Variants in PPARG observed in about 807,000 individuals in gnomAD.
The protein encoded by PPARG is peroxisome proliferator activated receptor gamma, also known as peroxisome proliferator-activated receptor gamma.
Under a neutral mutation model 39.2 loss-of-function variants are expected in PPARG, and 17 were observed. That is an observed-to-expected ratio of 0.43 (90% CI 0.30 to 0.65). The LOEUF (loss-of-function observed/expected upper bound fraction) is 0.65. Ranked by LOEUF, PPARG falls within the 30% of genes least tolerant of loss-of-function variation. The probability of loss-of-function intolerance (pLI) is 0.13; values close to 1 mark genes in which losing one functional copy is unlikely to be tolerated. For synonymous variants in PPARG, 223 were observed against 215.7 expected, an observed-to-expected ratio of 1.03 and a Z score of -0.30; for missense variants, 406 against 585.9, an observed-to-expected ratio of 0.69 and a Z score of 3.17.
chr3:12,367,709 A>G (rs2049062568), intron 2 of PPARG, among the ~76,000 whole-genome samples: 1 of 151,590 alleles, frequency 6.6e-6, no homozygotes, highest in Non-Finnish European at 1.5e-5. Flanking sequence ...AAAATAAAAA[A>G]ATAAAAATAA....
chr3:12,351,672 A>G (rs2048491454), intron 2 of PPARG: 1 of 1,604,002 alleles, frequency 6.2e-7, no homozygotes, highest in African/African-American at 1.3e-5. Context: ...AACATATCAC[A>G]AGGTAAAGTT....
chr3:12,433,480 G>A (rs2051733704), intron 7 of PPARG, among the ~76,000 whole-genome samples: 1 of 150,918 alleles, frequency 6.6e-6, no homozygotes, highest in Admixed American at 6.6e-5. Flanking sequence ...ATAGGTTGTA[G>A]TGAGCCGACG....
At chr3:12,415,577 G>A (rs920760333) in intron 6 of PPARG, among the ~76,000 whole-genome samples, 1 of 152,170 alleles carries the variant, frequency 6.6e-6, no homozygotes, top group Non-Finnish European at 1.5e-5. Flanking sequence ...ATGACCAAAT[G>A]ACTTAACTTT....
chr3:12,373,563 A>G (rs1162278956), intron 2 of PPARG, among the ~76,000 whole-genome samples: 4 of 152,186 alleles, frequency 2.6e-5, no homozygotes, highest in Admixed American at 6.5e-5. Context: ...AAACTAAACT[A>G]TTGAGAAAGT....
chr3:12,424,493 G>T (rs2051369304), intron 7 of PPARG, among the ~76,000 whole-genome samples: 1 of 152,140 alleles, frequency 6.6e-6, no homozygotes, highest in African/African-American at 2.4e-5. Flanking sequence ...CAGTCAGTGG[G>T]CTGCTTTCTG....
intron 2 of PPARG, among the ~76,000 whole-genome samples, chr3:12,326,141 C>T (rs1362496846): frequency 6.6e-6 from 1 of 152,122 alleles, no homozygotes; most frequent in African/African-American, 2.4e-5. Context: ...AAAATGTCAC[C>T]ATAATACCTT....
chr3:12,298,166 G>A (rs1419061885), intron 1 of PPARG, among the ~76,000 whole-genome samples: 1 of 148,616 alleles, frequency 6.7e-6, no homozygotes, highest in Non-Finnish European at 1.5e-5. Flanking sequence ...GGGCGTAGTG[G>A]CGGGCGCCTG....
chr3:12,343,131 T>C (rs1245823023), intron 2 of PPARG, among the ~76,000 whole-genome samples: 1 of 144,502 alleles, frequency 6.9e-6, no homozygotes, highest in Non-Finnish European at 1.5e-5. Flanking sequence ...GGCTCCCCTG[T>C]GTTGATCTAA....
At chr3:12,305,189 C>G (rs925639697) in intron 1 of PPARG, among the ~76,000 whole-genome samples, 4 of 152,142 alleles carry the variant, frequency 2.6e-5, no homozygotes, top group Non-Finnish European at 5.9e-5. Flanking sequence ...TTCCTTTCCT[C>G]TCTTTCCCAA....
chr3:12,390,252 A>T (rs2050020978), intron 4 of PPARG, among the ~76,000 whole-genome samples: 1 of 152,190 alleles, frequency 6.6e-6, no homozygotes. Flanking sequence ...GCCACTTTGG[A>T]AAACAATTTG....
chr3:12,342,094 G>T (rs2048199550), intron 2 of PPARG, among the ~76,000 whole-genome samples: 1 of 152,138 alleles, frequency 6.6e-6, no homozygotes, highest in African/African-American at 2.4e-5. Context: ...CATATATTTT[G>T]CCTTCTGATG....
intron 2 of PPARG, among the ~76,000 whole-genome samples, chr3:12,330,926 T>C (rs1365687745): frequency 1.3e-5 from 2 of 152,214 alleles, no homozygotes; most frequent in Non-Finnish European, 2.9e-5. Flanking sequence ...AATTTTAAAA[T>C]AATCTGTTTT....
At chr3:12,364,490 T>C (rs2048951317) in intron 2 of PPARG, among the ~76,000 whole-genome samples, 1 of 152,222 alleles carries the variant, frequency 6.6e-6, no homozygotes, top group Non-Finnish European at 1.5e-5. Flanking sequence ...GTTTTGGCAA[T>C]TATGAATAGA....
chr3:12,309,770 G>A (rs2047174933), intron 1 of PPARG, among the ~76,000 whole-genome samples: 1 of 152,070 alleles, frequency 6.6e-6, no homozygotes, highest in Non-Finnish European at 1.5e-5. Context: ...TGAGTAAACT[G>A]CCCTTGGCCT....
At chr3:12,302,497 A>G (rs1333504232) in intron 1 of PPARG, among the ~76,000 whole-genome samples, 1 of 152,200 alleles carries the variant, frequency 6.6e-6, no homozygotes, top group African/African-American at 2.4e-5. Flanking sequence ...TCATAAATAC[A>G]TTTTAAATTG....
At chr3:12,380,943 A>C (rs2049628902) in intron 3 of PPARG, among the ~76,000 whole-genome samples, 1 of 152,208 alleles carries the variant, frequency 6.6e-6, no homozygotes, top group African/African-American at 2.4e-5. Context: ...TGGAATATTT[A>C]AATAAAATGT....
chr3:12,330,386 T>C (rs1316616293), intron 2 of PPARG, among the ~76,000 whole-genome samples: 1 of 151,620 alleles, frequency 6.6e-6, no homozygotes, highest in Non-Finnish European at 1.5e-5. Context: ...TCCTAATGGC[T>C]GCTGATGTTA....
chr3:12,412,311 T>C (rs2050905035), intron 6 of PPARG, among the ~76,000 whole-genome samples: 1 of 152,188 alleles, frequency 6.6e-6, no homozygotes, highest in African/African-American at 2.4e-5. Context: ...ATTTTCATCA[T>C]TAATCCCATT....
intron 7 of PPARG, among the ~76,000 whole-genome samples, chr3:12,422,059 T>C (rs1018731844): frequency 1.3e-5 from 2 of 152,214 alleles, no homozygotes; most frequent in African/African-American, 4.8e-5. Flanking sequence ...CTGGGGTCCC[T>C]GGGGCTCCCC....
Sources: gnomAD v4.1 joint callset for allele counts (sites outside exome capture counted in the v4.1 genomes callset) on GRCh38, gnomAD v4.1.1 for gene constraint, MANE v1.5 for transcripts, NCBI Gene and HGNC (gene_info 2026-07-23, HGNC 2026-07-21) for gene names.